FGD1: variants seen among roughly 807,000 people sequenced by gnomAD.
FGD1 encodes the protein FYVE, RhoGEF and PH domain-containing protein 1.
A neutral mutation model predicts 65.0 loss-of-function variants in FGD1; 12 were observed. The observed-to-expected ratio is 0.18, with a 90% CI of 0.12 to 0.30. The LOEUF (loss-of-function observed/expected upper bound fraction) is 0.30, where lower values mean the gene tolerates loss of function less well. Among genes scored for constraint, FGD1 ranks in the 10% least tolerant of loss-of-function variants. The pLI is 1.00. For missense variants in FGD1, 542 were observed against 837.6 expected (o/e 0.65, Z 4.36); for synonymous variants, 333 against 343.9 (o/e 0.97, Z 0.35).
chrX:54,470,642 G>A lies in FGD1; in HGVS notation c.600C>T (p.Pro200=), dbSNP rs770551542. ...ADPRVAKGLA[P]RAEASPSSAA... ...CAGAACTGGGGCTGGCCTCTGCCCT[G>A]GGAGCCAGGCCCTTGGCCACTCGGG... The change falls in exon 3 of 18, where the codon CCC becomes CCT. Residue 200 remains proline (P), a synonymous_variant. Transcript: ENST00000375135. 3 of 1,204,943 alleles carry A rather than the reference G, an allele frequency of 2.5e-6. No homozygotes were observed. The highest frequency in any genetic ancestry group is 4.4e-5 in the Admixed American group (2 of 45,610).
At chrX:54,472,699 G>A (rs768347492) in intron 1 of FGD1, among the ~76,000 whole-genome samples, 1 of 111,358 alleles carries the variant, frequency 9.0e-6, no homozygotes, top group Non-Finnish European at 1.9e-5. Context: ...GAGAAGTCAG[G>A]TGGGGCCAGA....
chrX:54,448,061 G>A (rs1922279932), intron 16 of FGD1, among the ~76,000 whole-genome samples: 1 of 112,195 alleles, frequency 8.9e-6, no homozygotes, highest in Non-Finnish European at 1.9e-5. Context: ...GTGCATATAT[G>A]CCTAGAAAGA....
At position 54,470,614 on chromosome X, in the gene FGD1, C is replaced by A. The variant is rs780997196; in HGVS notation, c.628G>T (p.Ala210Ser). 8 of 1,208,325 alleles carry A rather than the reference C, an allele frequency of 6.6e-6. No homozygotes were observed. Among genetic ancestry groups the A allele is most frequent in the Non-Finnish European group, 8.9e-6 (8 of 894,346 alleles). The change falls in exon 3 of 18, where the codon GCA becomes TCA. Residue 210 changes from alanine (A) to serine (S), a missense_variant. Physicochemically the swap from Ala to Ser is moderately conservative, Grantham distance 99. This residue lies in a region of FGD1 where 297 missense variants were observed against 326.8 expected (regional missense o/e 0.91). Transcript: ENST00000375135. ...AACTTCTCAATCAGTGAGGATACTG[C>A]TGCAGAACTGGGGCTGGCCTCTGCC... is the stretch of plus-strand genomic sequence containing the variant. ...PRAEASPSSA[A>S]VSSLIEKFER...
intron 1 of FGD1, among the ~76,000 whole-genome samples, chrX:54,473,064 A>G (rs1922932719): frequency 8.9e-6 from 1 of 111,740 alleles, no homozygotes; most frequent in Admixed American, 9.5e-5. Flanking sequence ...ACACACAGTC[A>G]CAAAGACCTG....
intron 1 of FGD1, among the ~76,000 whole-genome samples, chrX:54,482,236 G>GCGCACACACACACACACACACA (rs796491256): frequency 1.3e-3 from 134 of 99,386 alleles, no homozygotes; most frequent in African/African-American, 4.9e-3. Flanking sequence ...GCACACGCGC[G>GCGCACACACACACACACACACA]CACACACACA....
intron 1 of FGD1, among the ~76,000 whole-genome samples, chrX:54,477,255 C>G (rs913457207): frequency 1.8e-5 from 2 of 112,093 alleles, no homozygotes; most frequent in African/African-American, 3.2e-5. Flanking sequence ...ACCCCTGCCC[C>G]CCCAGGCATT....
At chrX:54,484,546 G>A (rs953487096) in intron 1 of FGD1, among the ~76,000 whole-genome samples, 4 of 112,039 alleles carry the variant, frequency 3.6e-5, no homozygotes. Flanking sequence ...CAGGTTTGTG[G>A]TATTACAAAT....
chrX:54,490,895 C>T (rs924363505), intron 1 of FGD1, among the ~76,000 whole-genome samples: 1 of 110,880 alleles, frequency 9.0e-6, no homozygotes, highest in South Asian at 3.8e-4. Context: ...TACCTCCCAT[C>T]GCTCTAACTC....
intron 5 of FGD1, 133 bp downstream of exon 5, chrX:54,468,654 C>T: frequency 2.0e-6 from 1 of 503,237 alleles, no homozygotes; most frequent in South Asian, 2.7e-5. Context: ...AAGCTGACTT[C>T]AAGGTCAGAG....
chrX:54,455,145 T>C (rs1274583235), intron 12 of FGD1, among the ~76,000 whole-genome samples: 1 of 112,646 alleles, frequency 8.9e-6, no homozygotes, highest in African/African-American at 3.2e-5. Context: ...CATCCCATTC[T>C]TCTCTCTCCT....
rs1157730849 is a variant in FGD1 at position 54,467,055 on chromosome X, T to C, written c.1340+729A>G. 1.2e-4 allele frequency among the ~76,000 whole-genome samples: 13 copies of C among 111,232 alleles called. No individual in the cohort carries two copies. The Admixed American group carries it at 1.2e-3, about 11-fold the overall frequency. Reference sequence around the variant, plus strand: ...TGAGCCACCATGCCTGGCCTATACCTGGTACTGTTCTAAGCTCTTTTATGT... The same window carrying C: ...TGAGCCACCATGCCTGGCCTATACCCGGTACTGTTCTAAGCTCTTTTATGT... On this transcript the variant is annotated intron_variant, in intron 6 of 17. Transcript: ENST00000375135.
At chrX:54,471,258 CCCT>C in intron 2 of FGD1, 53 bp downstream of exon 2, 1 of 1,165,935 alleles carries the variant, frequency 8.6e-7, no homozygotes, top group East Asian at 3.0e-5. Flanking sequence ...CTAACTTCTC[CCCT>C]CCTCTGTACC....
At position 54,470,219 on chromosome X, in the gene FGD1, C is replaced by G. The variant is rs398124165; in HGVS notation, c.898G>C (p.Val300Leu). The change falls in exon 4 of 18, where the codon GTC becomes CTC. Residue 300 changes from valine to leucine, a missense_variant. By Grantham distance (32) the Val-to-Leu change is conservative. Around this residue, in one of 6 missense-constraint regions of FGD1, gnomAD observed 297 missense variants for 326.8 expected, o/e 0.91. Transcript: ENST00000375135. ...TGGCTGGGGGGCCCGTCATCACTGA[C>G]GAAGCAGGTCTCCTCGCTGTTGGAT... ...SPSNSEETCF[V>L]SDDGPPSHSL... 4.1e-6 allele frequency: 5 copies of G among 1,206,134 alleles called. No individual in the cohort carries two copies. The Admixed American group carries it at 1.1e-4, about 27-fold the overall frequency.
intron 6 of FGD1, among the ~76,000 whole-genome samples, chrX:54,466,741 T>G (rs1170484092): frequency 2.1e-5 from 2 of 96,658 alleles, no homozygotes; most frequent in Non-Finnish European, 3.9e-5. Context: ...TATCTGGTAC[T>G]GTTTTGTTTG....
Position 54,455,501 on chromosome X carries a change from C to A in FGD1, c.1962G>T (p.Leu654=), listed in dbSNP as rs768819561. 1.7e-6 allele frequency: 2 copies of A among 1,211,188 alleles called. No individual in the cohort carries two copies. Residue 654 remains leucine (L), a synonymous_variant, in exon 12 of 18, where the codon CTG becomes CTT. Coordinates refer to ENST00000375135, the MANE Select transcript of FGD1 (RefSeq NM_004463.3). The part of the protein sequence containing the change: ...MELKESSNLN[L]PRTFLVSGKQ... ...TTCCTGACACCAGGAAGGTTCGAGGCAGATTGAGGTTGGAGCTCTCCTTTA... is the reference window on the plus strand; with the variant it reads ...TTCCTGACACCAGGAAGGTTCGAGGAAGATTGAGGTTGGAGCTCTCCTTTA...
At chrX:54,466,968 C>G (rs1244278667) in intron 6 of FGD1, among the ~76,000 whole-genome samples, 1 of 110,728 alleles carries the variant, frequency 9.0e-6, no homozygotes, top group East Asian at 2.8e-4. Context: ...CCAGGATGGT[C>G]TCGCTCTCCT....
At chrX:54,482,570 T>A (rs1047819591) in intron 1 of FGD1, among the ~76,000 whole-genome samples, 1 of 111,695 alleles carries the variant, frequency 9.0e-6, no homozygotes, top group Non-Finnish European at 1.9e-5. Flanking sequence ...GCTAGGGGGA[T>A]GGTCCCTCTG....
intron 1 of FGD1, among the ~76,000 whole-genome samples, chrX:54,473,227 T>C (rs1342441718): frequency 8.9e-6 from 1 of 111,991 alleles, no homozygotes; most frequent in Non-Finnish European, 1.9e-5. Context: ...GACAATCATA[T>C]ACCCAGTTAG....
Position 54,445,505 on chromosome X carries a change from CAAAA to C in FGD1, c.*600_*603del, listed in dbSNP as rs1227737703. 3 of 109,006 alleles carry C rather than the reference CAAAA, an allele frequency of 2.8e-5. No homozygotes were observed. The highest frequency in any genetic ancestry group is 6.8e-5 in the African/African-American group (2 of 29,610). 9.0% of individuals were successfully genotyped at this position (109,006 alleles called of 1,213,427 possible). ...TTTTTCTTAAAAAAAAAAAAACACACAAAAAAACACAAAAAACTGAGTATCCATT... is the reference window on the plus strand; with the variant it reads ...TTTTTCTTAAAAAAAAAAAAACACACAAACACAAAAAACTGAGTATCCATT... On this transcript the variant is annotated 3_prime_UTR_variant, in exon 18 of 18. Transcript: ENST00000375135.
Sources: gnomAD v4.1 joint callset for allele counts (sites outside exome capture counted in the v4.1 genomes callset) on GRCh38, gnomAD v4.1.1 for gene constraint, gnomAD v4.1.1 regional missense constraint, MANE v1.5 for transcripts, NCBI Gene and HGNC (gene_info 2026-07-23, HGNC 2026-07-21) for gene names.